DHRSX: variants seen among roughly 807,000 people sequenced by gnomAD.
DHRSX encodes the protein polyprenol dehydrogenase.
Under a neutral mutation model 34.0 loss-of-function variants are expected in DHRSX, and 31 were observed. That is an observed-to-expected ratio of 0.91 (90% CI 0.69 to 1.23). DHRSX has a LOEUF of 1.23. Ranked by LOEUF, DHRSX falls within the 50% of genes most tolerant of loss-of-function variation. DHRSX has a pLI of 0.00. For missense variants in DHRSX, 414 were observed against 428.1 expected (o/e 0.97, Z 0.29); for synonymous variants, 201 against 183.8 (o/e 1.09, Z -0.76).
chrX:2,336,570 G>A (rs1282379647), intron 3 of DHRSX, among the ~76,000 whole-genome samples: 1 of 151,816 alleles, frequency 6.6e-6, no homozygotes, highest in Non-Finnish European at 1.5e-5. Context: ...GATTAATTTA[G>A]AGAACATATT....
chrX:2,359,523 C>CA (rs1402386592), intron 3 of DHRSX, among the ~76,000 whole-genome samples: 2 of 151,888 alleles, frequency 1.3e-5, no homozygotes, highest in South Asian at 4.2e-4. Flanking sequence ...ACTAAAAATA[C>CA]AAAAAAATTA....
chrX:2,407,165 C>T (rs1327658388), intron 3 of DHRSX, among the ~76,000 whole-genome samples: 3 of 152,196 alleles, frequency 2.0e-5, no homozygotes, highest in Admixed American at 2.0e-4. Context: ...AACTCAGAAA[C>T]CGAAAGTCAA....
intron 2 of DHRSX, among the ~76,000 whole-genome samples, chrX:2,411,554 CAAA>C (rs774788900): frequency 7.2e-5 from 4 of 55,526 alleles, no homozygotes; most frequent in African/African-American, 6.9e-5. Context: ...AACTCTGTCC[CAAA>C]AAAAAAAAAA....
At chrX:2,291,896 A>ATT (rs928376249) in intron 3 of DHRSX, among the ~76,000 whole-genome samples, 3,280 of 96,068 alleles carry the variant, frequency 0.034, 74 homozygotes, top group South Asian at 0.059. Flanking sequence ...GTATTTTTGT[A>ATT]TTTTTTTTTT....
At chrX:2,496,868 A>G (rs2045298312) in intron 1 of DHRSX, among the ~76,000 whole-genome samples, 2 of 148,946 alleles carry the variant, frequency 1.3e-5, no homozygotes, top group Admixed American at 1.3e-4. Flanking sequence ...AAAAGTATAA[A>G]TTATTCTAAA....
At chrX:2,300,848 T>G (rs1247204694) in intron 3 of DHRSX, among the ~76,000 whole-genome samples, 1 of 152,094 alleles carries the variant, frequency 6.6e-6, no homozygotes, top group Non-Finnish European at 1.5e-5. Flanking sequence ...TCACCCCCTA[T>G]ATCTATCACC....
At chrX:2,330,514 C>T (rs1272481715) in intron 3 of DHRSX, among the ~76,000 whole-genome samples, 2 of 104,664 alleles carry the variant, frequency 1.9e-5, no homozygotes, top group African/African-American at 4.1e-5. Flanking sequence ...AGTGAGACTC[C>T]GTGAAAGAAA....
intron 2 of DHRSX, among the ~76,000 whole-genome samples, chrX:2,423,721 ACT>A (rs2043809324): frequency 1.3e-5 from 2 of 151,164 alleles, no homozygotes; most frequent in Middle Eastern, 3.2e-3. Flanking sequence ...TATGCAATAG[ACT>A]CTCTCCCCTC....
chrX:2,431,964 G>A (rs946540192), intron 1 of DHRSX, among the ~76,000 whole-genome samples: 50 of 152,214 alleles, frequency 3.3e-4, no homozygotes, highest in Non-Finnish European at 4.7e-4. Flanking sequence ...AGGCCGAGAC[G>A]GGTGGATCAC....
chrX:2,300,149 G>A (rs993311690), intron 3 of DHRSX, among the ~76,000 whole-genome samples: 13 of 152,146 alleles, frequency 8.5e-5, no homozygotes, highest in Non-Finnish European at 1.9e-4. Flanking sequence ...CCTTTTGTCT[G>A]AGGCTCTGGC....
At chrX:2,270,269 C>A (rs1017538754) in intron 4 of DHRSX, among the ~76,000 whole-genome samples, 2 of 152,078 alleles carry the variant, frequency 1.3e-5, no homozygotes, top group Non-Finnish European at 2.9e-5. Flanking sequence ...GGCTCCTCGC[C>A]GGCTCAGCAT....
rs185789069 is a variant in DHRSX, at chrX:2,436,087, G to C, written c.110-10783C>G. ...ACGCACCTGTAATCCCAGCTACTCGGGAAGCTGAGGCAGGAGAATCACTTG... is the reference window on the plus strand; with the variant it reads ...ACGCACCTGTAATCCCAGCTACTCGCGAAGCTGAGGCAGGAGAATCACTTG... On this transcript the variant is annotated intron_variant, in intron 1 of 6. Coordinates refer to ENST00000334651, the MANE Select transcript of DHRSX (RefSeq NM_145177.3). Among the ~76,000 whole-genome samples, 63 of 151,952 alleles carry C rather than the reference G, an allele frequency of 4.1e-4. No homozygotes were observed. In the Middle Eastern group the frequency reaches 0.014, roughly 33 times the overall value.
intron 1 of DHRSX, among the ~76,000 whole-genome samples, chrX:2,439,505 G>T (rs1301679971): frequency 6.6e-6 from 1 of 152,148 alleles, no homozygotes; most frequent in East Asian, 1.9e-4. Context: ...TGGGGTGGGG[G>T]ATGGTTTGGG....
intron 5 of DHRSX, among the ~76,000 whole-genome samples, chrX:2,247,581 G>C (rs2016327750): frequency 6.6e-6 from 1 of 150,612 alleles, no homozygotes; most frequent in African/African-American, 2.4e-5. Flanking sequence ...GTGAACCCGG[G>C]AGGCGGAGCT....
intron 1 of DHRSX, among the ~76,000 whole-genome samples, chrX:2,455,152 G>C (rs1023916392): frequency 1.3e-5 from 2 of 150,980 alleles, no homozygotes; most frequent in Non-Finnish European, 2.9e-5. Context: ...GCAGGAACCT[G>C]CATGGAGGTG....
At chrX:2,307,602 A>G (rs1371477556) in intron 3 of DHRSX, among the ~76,000 whole-genome samples, 1 of 151,796 alleles carries the variant, frequency 6.6e-6, no homozygotes, top group Non-Finnish European at 1.5e-5. Flanking sequence ...TGTCTCTACT[A>G]AAACTACAAA....
intron 5 of DHRSX, among the ~76,000 whole-genome samples, chrX:2,255,914 C>G (rs2041270772): frequency 1.3e-5 from 2 of 151,872 alleles, no homozygotes; most frequent in African/African-American, 4.8e-5. Flanking sequence ...AAAAGCGAAA[C>G]TCTGTCTCAA....
At chrX:2,243,795 T>TTTTTTTTTG (rs2016207005) in intron 5 of DHRSX, among the ~76,000 whole-genome samples, 1 of 13,364 alleles carries the variant, frequency 7.5e-5, no homozygotes, top group African/African-American at 3.4e-4. Context: ...CCTGTTTTTT[T>TTTTTTTTTG]TTTTTTTTTT....
chrX:2,289,040 T>C (rs1397286206), intron 4 of DHRSX, among the ~76,000 whole-genome samples: 6 of 152,204 alleles, frequency 3.9e-5, no homozygotes, highest in African/African-American at 1.2e-4. Flanking sequence ...GTGGTTCATA[T>C]ACACATTGCT....
Sources: gnomAD v4.1 joint callset for allele counts (sites outside exome capture counted in the v4.1 genomes callset) on GRCh38, gnomAD v4.1.1 for gene constraint, MANE v1.5 for transcripts, NCBI Gene and HGNC (gene_info 2026-07-23, HGNC 2026-07-21) for gene names.